GLYR1: variants seen among roughly 807,000 people sequenced by gnomAD.
GLYR1 encodes the protein cytokine-like nuclear factor N-PAC.
Under a neutral mutation model 72.7 loss-of-function variants are expected in GLYR1, and 21 were observed. That is an observed-to-expected ratio of 0.29 (90% CI 0.20 to 0.42). The LOEUF is 0.42. Ranked by LOEUF, GLYR1 falls within the 10% of genes least tolerant of loss-of-function variation. GLYR1 has a pLI of 1.00. For synonymous variants in GLYR1, 392 were observed against 270.2 expected (o/e 1.45, Z -4.42); for missense variants, 594 against 712.1 (o/e 0.83, Z 1.89).
intron 15 of GLYR1, among the ~76,000 whole-genome samples, chr16:4,807,897 A>G (rs942167433): frequency 2.6e-5 from 4 of 152,244 alleles, no homozygotes; most frequent in Non-Finnish European, 5.9e-5. Context: ...GAGTCATGAA[A>G]TAAGTACTCT....
At chr16:4,825,326 C>T (rs1240010210) in intron 5 of GLYR1, among the ~76,000 whole-genome samples, 1 of 152,136 alleles carries the variant, frequency 6.6e-6, no homozygotes, top group Non-Finnish European at 1.5e-5. Context: ...CTCTCTAGCT[C>T]GTTAGCACCC....
Position 4,804,167 on chromosome 16 carries a change from C to G in GLYR1, c.*1069G>C, listed in dbSNP as rs941422241. The G allele has an allele frequency of 2.0e-5, 3 of 152,294 alleles. No individual in the cohort carries two copies. The highest frequency in any genetic ancestry group is 7.2e-5 in the African/African-American group (3 of 41,392). The allele number at this position is 152,294 out of a possible 1,614,324, so 9.4% of individuals were successfully genotyped here. Reference sequence around the variant, plus strand: ...GCTGGGTCTGGGCCAAAGGGACAGACAGAAAGAAATACTGTCTCCACGGGA... The same window carrying G: ...GCTGGGTCTGGGCCAAAGGGACAGAGAGAAAGAAATACTGTCTCCACGGGA... On this transcript the variant is annotated 3_prime_UTR_variant, in exon 16 of 16. Coordinates refer to ENST00000321919, the MANE Select transcript of GLYR1 (RefSeq NM_032569.4).
chr16:4,811,432 C>T (rs2083317441), intron 14 of GLYR1, 138 bp from the exon 15 acceptor site: 1 of 1,303,292 alleles, frequency 7.7e-7, no homozygotes, highest in Admixed American at 2.2e-5. Context: ...TCCTCACTCA[C>T]CCTTAGACAC....
At chr16:4,822,483 C>G (rs112934732) in intron 7 of GLYR1, among the ~76,000 whole-genome samples, 2 of 148,822 alleles carry the variant, frequency 1.3e-5, no homozygotes. Flanking sequence ...CTCTGCCTCC[C>G]GGGTTCAAGC....
At position 4,843,773 on chromosome 16, in the gene GLYR1, G is replaced by T. The variant is rs191410362; in HGVS notation, c.155+1301C>A. The stretch of plus-strand genomic sequence containing the variant: ...AATCTAAGGCTGTATTTTCCTATAA[G>T]AATAATAAATAGAAATACAACTACT... On this transcript the variant is annotated intron_variant, in intron 3 of 15. Transcript: ENST00000321919. 921 of 470,498 alleles carry T rather than the reference G, an allele frequency of 2.0e-3. 6 individuals carry two copies. Among genetic ancestry groups the T allele is most frequent in the African/African-American group, 0.018 (797 of 45,194 alleles). The allele number at this position is 470,498 out of a possible 1,614,324, so 29.1% of individuals were successfully genotyped here. A position where few individuals can be genotyped will look rare whatever the true frequency, so the allele number is the denominator to read the frequency against.
At chr16:4,838,442 T>C (rs995970939) in intron 3 of GLYR1, among the ~76,000 whole-genome samples, 1 of 152,332 alleles carries the variant, frequency 6.6e-6, no homozygotes, top group Admixed American at 6.5e-5. Context: ...AAGACTGCTA[T>C]GGAAACTCGC....
At chr16:4,837,530 A>G (rs892329594) in intron 3 of GLYR1, among the ~76,000 whole-genome samples, 3 of 152,184 alleles carry the variant, frequency 2.0e-5, no homozygotes, top group Non-Finnish European at 4.4e-5. Flanking sequence ...CAGCCTTCAC[A>G]TAGACAGGTG....
At position 4,832,055 on chromosome 16, in the gene GLYR1, C is replaced by T. The variant is rs776768720; in HGVS notation, c.461G>A (p.Arg154Lys). The change falls in exon 5 of 16, where the codon AGA (arginine) becomes AAA (lysine). Residue 154 changes from arginine to lysine, a missense_variant. Around this residue, in one of 5 missense-constraint regions of GLYR1, gnomAD observed 252 missense variants for 211.3 expected, o/e 1.19. Transcript: ENST00000321919. Reference protein sequence around the residue: ...KKRVSSGSSERGSKSPLKRAQ... With the variant: ...KKRVSSGSSEKGSKSPLKRAQ... Reference sequence around the variant, plus strand: ...TCTTTTCAGAGGGGATTTGGAGCCTCTCTCTGAAGAGCCTGAAGACACCCT... The same window carrying T: ...TCTTTTCAGAGGGGATTTGGAGCCTTTCTCTGAAGAGCCTGAAGACACCCT... The T allele has an allele frequency of 6.2e-7, 1 of 1,614,206 alleles. No individual in the cohort carries two copies. Among genetic ancestry groups the T allele is most frequent in the Admixed American group, 1.7e-5 (1 of 60,028 alleles).
Position 4,814,838 on chromosome 16 carries a change from G to C in GLYR1, c.907-191C>G, listed in dbSNP as rs2083537321. The stretch of plus-strand genomic sequence containing the variant: ...CGGGGCCTTTTACTGGCCATCTTCA[G>C]TTTTTGCATGACGAGTGCCTAGGAT... On this transcript the variant is annotated intron_variant, in intron 10 of 15. Transcript: ENST00000321919. 2.6e-5 allele frequency among the ~76,000 whole-genome samples: 4 copies of C among 152,204 alleles called. 1 individual carries two copies. In the South Asian group the frequency reaches 8.3e-4, roughly 32 times the overall value.
At chr16:4,826,883 G>A (rs1190012563) in intron 5 of GLYR1, among the ~76,000 whole-genome samples, 2 of 152,194 alleles carry the variant, frequency 1.3e-5, no homozygotes, top group Non-Finnish European at 2.9e-5. Flanking sequence ...TGACCCAATG[G>A]AAACAAGGAG....
chr16:4,820,310 T>C (rs562016974), intron 9 of GLYR1, among the ~76,000 whole-genome samples: 10 of 152,206 alleles, frequency 6.6e-5, no homozygotes, highest in African/African-American at 1.9e-4. Flanking sequence ...ATTTTTAATA[T>C]GGCAACTGAG....
intron 3 of GLYR1, among the ~76,000 whole-genome samples, chr16:4,837,092 G>A (rs1437242899): frequency 3.3e-5 from 5 of 152,192 alleles, no homozygotes; most frequent in African/African-American, 1.2e-4. Context: ...TTAAAATCTG[G>A]TATTTTCAAA....
At chr16:4,827,106 C>G (rs1475870366) in intron 5 of GLYR1, among the ~76,000 whole-genome samples, 1 of 152,244 alleles carries the variant, frequency 6.6e-6, no homozygotes, top group Non-Finnish European at 1.5e-5. Flanking sequence ...GCAAACCCAG[C>G]CTTTCCCTGC....
At chr16:4,822,116 T>G (rs2084071338) in intron 7 of GLYR1, among the ~76,000 whole-genome samples, 1 of 152,268 alleles carries the variant, frequency 6.6e-6, no homozygotes, top group African/African-American at 2.4e-5. Context: ...AGATAGAGTC[T>G]CGCTCTGTCG....
chr16:4,821,833 C>G (rs1481230745), intron 7 of GLYR1, among the ~76,000 whole-genome samples: 1 of 152,228 alleles, frequency 6.6e-6, no homozygotes, highest in Admixed American at 6.5e-5. Context: ...GAGTCATAAG[C>G]TTGGAACCCA....
chr16:4,826,895 A>C (rs1250533775), intron 5 of GLYR1, among the ~76,000 whole-genome samples: 1 of 152,212 alleles, frequency 6.6e-6, no homozygotes, highest in Non-Finnish European at 1.5e-5. Flanking sequence ...AACAAGGAGG[A>C]GGCAGCTTGT....
intron 5 of GLYR1, among the ~76,000 whole-genome samples, chr16:4,831,475 G>A (rs567659132): frequency 6.6e-6 from 1 of 151,972 alleles, no homozygotes; most frequent in South Asian, 2.1e-4. Context: ...CTCCCTGTTC[G>A]AGAGTATCTC....
intron 15 of GLYR1, among the ~76,000 whole-genome samples, chr16:4,809,490 C>A (rs190939298): frequency 5.9e-5 from 9 of 151,326 alleles, no homozygotes; most frequent in African/African-American, 2.2e-4. Flanking sequence ...CAGGCGCCTG[C>A]AGTCCCAGCT....
intron 9 of GLYR1, chr16:4,817,927 C>T: frequency 2.0e-6 from 1 of 501,364 alleles, no homozygotes; most frequent in Non-Finnish European, 3.6e-6. Context: ...ATTTTGAAAC[C>T]CCTGACTGTC....
Sources: gnomAD v4.1 joint callset for allele counts (sites outside exome capture counted in the v4.1 genomes callset) on GRCh38, gnomAD v4.1.1 for gene constraint, gnomAD v4.1.1 regional missense constraint, MANE v1.5 for transcripts, NCBI Gene and HGNC (gene_info 2026-07-23, HGNC 2026-07-21) for gene names.